Variants in NRG1 observed in about 807,000 individuals in gnomAD.
NRG1 encodes the protein neuregulin 1, also known as pro-neuregulin-1, membrane-bound isoform.
A neutral mutation model predicts 63.8 loss-of-function variants in NRG1; 18 were observed. The ratio of observed to expected loss-of-function variants is 0.28; its 90% CI spans 0.19 to 0.42. The LOEUF is 0.42. NRG1 is among the 10% of genes least tolerant of loss of function. The probability of loss-of-function intolerance (pLI) is 1.00; values close to 1 mark genes in which losing one functional copy is unlikely to be tolerated. For synonymous variants in NRG1, 302 were observed against 301.3 expected, an observed-to-expected ratio of 1.00 and a Z score of -0.02; for missense variants, 762 against 814.7, an observed-to-expected ratio of 0.94 and a Z score of 0.79.
chr8:31,993,266 G>A (rs1811389092), intron 1 of NRG1, among the ~76,000 whole-genome samples: 1 of 152,066 alleles, frequency 6.6e-6, no homozygotes, highest in East Asian at 2.0e-4. Flanking sequence ...GAGGACCAAA[G>A]GCATCCTACA....
chr8:32,530,923 C>G (rs1831391159), intron 1 of NRG1, among the ~76,000 whole-genome samples: 1 of 152,096 alleles, frequency 6.6e-6, no homozygotes, highest in African/African-American at 2.4e-5. Flanking sequence ...GACACCTCAT[C>G]TCTATTAAAA....
At chr8:32,124,002 G>A (rs1038137299) in intron 1 of NRG1, among the ~76,000 whole-genome samples, 3 of 151,866 alleles carry the variant, frequency 2.0e-5, no homozygotes, top group Admixed American at 6.6e-5. Flanking sequence ...CTAAAAAAAG[G>A]AAATTATTTA....
chr8:31,854,103 G>T (rs1298291889), intron 1 of NRG1, among the ~76,000 whole-genome samples: 1 of 151,818 alleles, frequency 6.6e-6, no homozygotes, highest in African/African-American at 2.4e-5. Context: ...CCCGGCTTTG[G>T]TATCAGGATG....
chr8:31,802,421 T>C (rs900883658), intron 1 of NRG1, among the ~76,000 whole-genome samples: 41 of 152,156 alleles, frequency 2.7e-4, no homozygotes, highest in Admixed American at 1.8e-3. Flanking sequence ...ACAAGCAGGT[T>C]TTGGGTGTTA....
At chr8:32,444,678 C>A (rs1042202252) in intron 1 of NRG1, among the ~76,000 whole-genome samples, 1 of 152,156 alleles carries the variant, frequency 6.6e-6, no homozygotes, top group Non-Finnish European at 1.5e-5. Context: ...TCTATCCATT[C>A]CTCAATGCCA....
intron 1 of NRG1, among the ~76,000 whole-genome samples, chr8:32,271,760 G>A (rs1851573787): frequency 6.6e-6 from 1 of 152,170 alleles, no homozygotes; most frequent in Non-Finnish European, 1.5e-5. Flanking sequence ...GTTAGTACAA[G>A]TCTCTTTATG....
intron 1 of NRG1, among the ~76,000 whole-genome samples, chr8:32,400,454 A>G (rs1813028805): frequency 6.6e-6 from 1 of 152,244 alleles, no homozygotes; most frequent in Non-Finnish European, 1.5e-5. Context: ...ATTCACAAGC[A>G]ACAAACAAAC....
intron 5 of NRG1, among the ~76,000 whole-genome samples, chr8:32,720,193 G>A (rs1766223534): frequency 6.6e-6 from 1 of 152,054 alleles, no homozygotes; most frequent in Admixed American, 6.6e-5. Context: ...ATTCTTGTTG[G>A]ATGTTCAGTC....
rs117678047 is a variant in NRG1 at position 31,756,170 on chromosome 8, C to T, written c.37+116739C>T. Among the ~76,000 whole-genome samples the T allele has an allele frequency of 3.8e-3, 584 of 152,250 alleles. 1 individual carries two copies. The highest frequency in any genetic ancestry group is 0.02 in the Middle Eastern group (6 of 294). On this transcript the variant is annotated intron_variant, in intron 1 of 10. Transcript: ENST00000519301. Reference sequence around the variant, plus strand: ...AGGAGACAACTGAAGTCTCAATTCACGTCTCACATTTCACACAAAGAACAT... The same window carrying T: ...AGGAGACAACTGAAGTCTCAATTCATGTCTCACATTTCACACAAAGAACAT...
chr8:32,466,632 A>T (rs1358914496), intron 1 of NRG1, among the ~76,000 whole-genome samples: 1 of 152,138 alleles, frequency 6.6e-6, no homozygotes, highest in Non-Finnish European at 1.5e-5. Flanking sequence ...AAAAGCCTGC[A>T]GTTATTAGTC....
At chr8:31,679,630 T>C (rs1245930155) in intron 1 of NRG1, among the ~76,000 whole-genome samples, 1 of 152,156 alleles carries the variant, frequency 6.6e-6, no homozygotes, top group East Asian at 1.9e-4. Context: ...AGTATTCTTT[T>C]TTAAGATTAC....
intron 5 of NRG1, chr8:32,646,587 G>A (rs940209184): frequency 3.4e-5 from 23 of 685,380 alleles, no homozygotes; most frequent in African/African-American, 3.9e-5. Context: ...TAGATTGCTA[G>A]CATCGATCGC....
chr8:32,118,328 T>C (rs1341224069), intron 1 of NRG1, among the ~76,000 whole-genome samples: 1 of 151,862 alleles, frequency 6.6e-6, no homozygotes, highest in African/African-American at 2.4e-5. Context: ...GCAGAGCTGG[T>C]TGTTAAAAAG....
At chr8:32,108,495 C>G (rs536206983) in intron 1 of NRG1, among the ~76,000 whole-genome samples, 1 of 152,202 alleles carries the variant, frequency 6.6e-6, no homozygotes, top group Non-Finnish European at 1.5e-5. Context: ...GAGCAGCCCT[C>G]ATGGCCTAAT....
intron 5 of NRG1, chr8:32,646,813 A>C (rs1452642914): frequency 1.0e-6 from 1 of 984,796 alleles, no homozygotes. Flanking sequence ...AGTCACTGGC[A>C]GTCCTGTGTG....
intron 1 of NRG1, among the ~76,000 whole-genome samples, chr8:31,755,638 A>G (rs549530182): frequency 6.6e-6 from 1 of 152,064 alleles, no homozygotes; most frequent in Non-Finnish European, 1.5e-5. Context: ...CTAGGGCTTT[A>G]TGTATGATTA....
chr8:32,374,482 C>T (rs780529939), intron 1 of NRG1, among the ~76,000 whole-genome samples: 3 of 152,172 alleles, frequency 2.0e-5, no homozygotes, highest in Non-Finnish European at 4.4e-5. Flanking sequence ...CTATCTGTGT[C>T]GCACTCACTC....
chr8:32,497,807 T>C (rs1019045660), intron 1 of NRG1, among the ~76,000 whole-genome samples: 9 of 152,130 alleles, frequency 5.9e-5, no homozygotes, highest in African/African-American at 1.9e-4. Flanking sequence ...GGCACACAAT[T>C]TTATTTTATT....
chr8:31,764,547 A>G (rs1383975284), intron 1 of NRG1, among the ~76,000 whole-genome samples: 4 of 152,222 alleles, frequency 2.6e-5, no homozygotes, highest in Admixed American at 6.5e-5. Context: ...TTTTTCAAAT[A>G]TATTTAGCAA....
Sources: gnomAD v4.1 joint callset for allele counts (sites outside exome capture counted in the v4.1 genomes callset) on GRCh38, gnomAD v4.1.1 for gene constraint, MANE v1.5 for transcripts, NCBI Gene and HGNC (gene_info 2026-07-23, HGNC 2026-07-21) for gene names.